Variants in CFAP97 observed in about 807,000 individuals in gnomAD.
CFAP97 encodes the protein cilia and flagella associated protein 97, also known as cilia- and flagella-associated protein 97.
In CFAP97, 36 loss-of-function variants were observed where a neutral mutation model predicts 43.1. The ratio of observed to expected loss-of-function variants is 0.84; its 90% CI spans 0.64 to 1.10. The LOEUF is 1.10. Among genes scored for constraint, CFAP97 ranks in the 50% least tolerant of loss-of-function variants. The pLI is 0.00. For missense variants in CFAP97, 657 were observed against 620.3 expected, an observed-to-expected ratio of 1.06 and a Z score of -0.63; for synonymous variants, 228 against 225.7, an observed-to-expected ratio of 1.01 and a Z score of -0.09.
At chr4:185,174,039 C>T (rs918358439) in intron 3 of CFAP97, among the ~76,000 whole-genome samples, 1 of 152,120 alleles carries the variant, frequency 6.6e-6, no homozygotes, top group African/African-American at 2.4e-5. Context: ...TGCACCTGGG[C>T]TCTGACACCT....
upstream of CFAP97, among the ~76,000 whole-genome samples, chr4:185,206,816 G>A (rs1053723581): frequency 6.6e-5 from 10 of 152,234 alleles, no homozygotes; most frequent in African/African-American, 2.2e-4. Context: ...TACACCCTTC[G>A]CCGGCTGGAG....
chr4:185,201,488 C>G lies in CFAP97; in HGVS notation c.-17+2410G>C, dbSNP rs1427884716. Among the ~76,000 whole-genome samples, 3 of 152,234 alleles carry G rather than the reference C, an allele frequency of 2.0e-5. No individual in the cohort carries two copies. The East Asian group carries it at 5.8e-4, about 29-fold the overall frequency. ...CATCCCAACCTTCAGCACTCAGCAC[C>G]CTGATCAGTCAGCCGCCATCAACAG... is the stretch of plus-strand genomic sequence containing the variant. On this transcript the variant is annotated intron_variant, in intron 1 of 4. Coordinates refer to ENST00000458385, the MANE Select transcript of CFAP97 (RefSeq NM_020827.3).
chr4:185,174,331 T>C (rs1434381658), intron 3 of CFAP97, among the ~76,000 whole-genome samples: 1 of 152,196 alleles, frequency 6.6e-6, no homozygotes, highest in African/African-American at 2.4e-5. Flanking sequence ...TGGAAAGCTA[T>C]CATCTATCTC....
Position 185,170,302 on chromosome 4 carries a change from C to T in CFAP97, c.1320+5484G>A, listed in dbSNP as rs530615874. On this transcript the variant is annotated intron_variant, in intron 3 of 4. Transcript: ENST00000458385. ...TGGAGGCTGCAAGGAGCCAAGATCA[C>T]GTCACTGCACTCCAGCCTGGGTGAC... is the stretch of plus-strand genomic sequence containing the variant. The T allele has an allele frequency of 3.3e-4, 213 of 638,610 alleles. 4 individuals are homozygous for T. The highest frequency in any genetic ancestry group is 2.4e-3 in the South Asian group (137 of 57,070). The allele number at this position is 638,610 out of a possible 1,614,324, so 39.6% of individuals were successfully genotyped here. A position where few individuals can be genotyped will look rare whatever the true frequency, so the allele number is the denominator to read the frequency against.
chr4:185,169,570 T>G (rs1027836579), intron 3 of CFAP97: 2 of 970,736 alleles, frequency 2.1e-6, no homozygotes, highest in Non-Finnish European at 2.4e-6. Flanking sequence ...ACTAATACAC[T>G]TGTCCAAACA....
intron 1 of CFAP97, among the ~76,000 whole-genome samples, chr4:185,200,993 C>A (rs371793275): frequency 1.4e-4 from 21 of 152,036 alleles, no homozygotes; most frequent in African/African-American, 5.1e-4. Context: ...AATAAAGCAG[C>A]GGCAGGGTTT....
chr4:185,189,931 A>C (rs1384750956), intron 2 of CFAP97, among the ~76,000 whole-genome samples: 1 of 152,238 alleles, frequency 6.6e-6, no homozygotes, highest in Non-Finnish European at 1.5e-5. Context: ...TAAAATTTGT[A>C]TTATACAAAC....
upstream of CFAP97, chr4:185,209,860 G>GGCCCCA (rs1003614077): frequency 2.2e-5 from 22 of 983,314 alleles, no homozygotes; most frequent in Non-Finnish European, 2.5e-5. This position sits in a 1 kb window ranked among gnomAD's most constrained non-coding sequence, Gnocchi z 5.2. Context: ...TGGCGGCGCC[G>GGCCCCA]GCCCCAGCCC....
At chr4:185,187,779 G>A (rs1736065808) in intron 2 of CFAP97, among the ~76,000 whole-genome samples, 1 of 151,732 alleles carries the variant, frequency 6.6e-6, no homozygotes. Context: ...ATCCCTGTGT[G>A]CAGAGCCTAG....
chr4:185,191,322 A>G (rs562398414), intron 1 of CFAP97, 110 bp from the exon 2 acceptor site: 204 of 749,210 alleles, frequency 2.7e-4, no homozygotes, highest in Non-Finnish European at 3.5e-4. Context: ...TAATATATAA[A>G]AAGAAACATT....
upstream of CFAP97, chr4:185,207,899 T>C (rs1200012325): frequency 2.0e-5 from 3 of 152,198 alleles, no homozygotes; most frequent in Non-Finnish European, 4.4e-5. Context: ...GAAAAATTAA[T>C]TTAAATTTAT....
At chr4:185,168,852 G>A (rs981374559) in intron 3 of CFAP97, among the ~76,000 whole-genome samples, 2 of 151,976 alleles carry the variant, frequency 1.3e-5, no homozygotes, top group African/African-American at 2.4e-5. Flanking sequence ...GGAGGTTGTT[G>A]GAGCAAGCCG....
intron 3 of CFAP97, among the ~76,000 whole-genome samples, chr4:185,172,999 T>A (rs962678479): frequency 6.6e-6 from 1 of 152,052 alleles, no homozygotes; most frequent in South Asian, 2.1e-4. Context: ...CAGGCTCCAA[T>A]ATAAATAATT....
At chr4:185,209,812 G>T (rs1326902850), upstream of CFAP97, 1 of 983,614 alleles carries the variant, frequency 1.0e-6, no homozygotes, top group Non-Finnish European at 1.2e-6. The surrounding 1 kb of genome is among the most constrained non-coding windows in gnomAD (Gnocchi z 5.2). Flanking sequence ...TGTCCTTAGC[G>T]GCCCAGGAAG....
chr4:185,190,027 C>T, intron 2 of CFAP97, 116 bp downstream of exon 2: 1 of 707,502 alleles, frequency 1.4e-6, no homozygotes, highest in Non-Finnish European at 2.1e-6. Flanking sequence ...CTAATAATAT[C>T]AATCATTCCC....
At chr4:185,169,084 T>C (rs115872135) in intron 3 of CFAP97, 1 of 152,198 alleles carries the variant, frequency 6.6e-6, no homozygotes, top group Non-Finnish European at 1.5e-5. Context: ...TAAGATCTAG[T>C]CTCTTAGCAA....
intron 1 of CFAP97, among the ~76,000 whole-genome samples, chr4:185,195,579 A>G (rs932041141): frequency 7.2e-5 from 11 of 152,226 alleles, no homozygotes; most frequent in Admixed American, 5.2e-4. Flanking sequence ...CAAACATACA[A>G]GCCAAGTTAT....
At chr4:185,176,987 T>G in intron 2 of CFAP97, among the ~76,000 whole-genome samples, 1 of 152,348 alleles carries the variant, frequency 6.6e-6, no homozygotes, top group East Asian at 1.9e-4. Context: ...ATACTATAAT[T>G]TTTATCAACA....
At chr4:185,198,762 C>A (rs1736676917) in intron 1 of CFAP97, among the ~76,000 whole-genome samples, 1 of 141,990 alleles carries the variant, frequency 7.0e-6, no homozygotes, top group Admixed American at 7.7e-5. Context: ...GCACTCCAGC[C>A]TGGGCAACAA....
Sources: gnomAD v4.1 joint callset for allele counts (sites outside exome capture counted in the v4.1 genomes callset) on GRCh38, gnomAD v4.1.1 for gene constraint, Gnocchi (gnomAD v3.1) non-coding constraint, MANE v1.5 for transcripts, NCBI Gene and HGNC (gene_info 2026-07-23, HGNC 2026-07-21) for gene names.